Variants in NRG3 observed in about 807,000 individuals in gnomAD.
NRG3 encodes the protein pro-neuregulin-3, membrane-bound isoform.
NRG3 carries 31 observed loss-of-function variants against 66.9 expected under a neutral mutation model. The observed-to-expected ratio is 0.46, with a 90% CI of 0.35 to 0.63. NRG3 has a LOEUF of 0.63. Among genes scored for constraint, NRG3 ranks in the 20% least tolerant of loss-of-function variants. The probability of loss-of-function intolerance (pLI) is 0.00; values close to 1 mark genes in which losing one functional copy is unlikely to be tolerated. For synonymous variants in NRG3, 393 were observed against 359.4 expected (o/e 1.09, Z -1.06); for missense variants, 910 against 878.9 (o/e 1.04, Z -0.45).
chr10:82,703,565 G>A (rs887015203), intron 2 of NRG3, among the ~76,000 whole-genome samples: 1 of 152,078 alleles, frequency 6.6e-6, no homozygotes, highest in African/African-American at 2.4e-5. Context: ...AATAATGAAG[G>A]AAGAACCATT....
chr10:82,940,582 C>T (rs1022579292), intron 4 of NRG3, among the ~76,000 whole-genome samples: 5 of 152,064 alleles, frequency 3.3e-5, no homozygotes, highest in Admixed American at 6.5e-5. Context: ...AACAAAGTAC[C>T]CTACACTGCA....
chr10:82,299,644 T>G (rs760740558), intron 1 of NRG3, among the ~76,000 whole-genome samples: 3 of 152,162 alleles, frequency 2.0e-5, no homozygotes, highest in Non-Finnish European at 4.4e-5. Flanking sequence ...GTATTGCCAG[T>G]GGCTGCTATC....
rs200557618 is a variant in NRG3, at chr10:82,957,406, G to GTA, written c.1158-1543_1158-1542insTA. ...AGACCGGCCATGTGCTCCACTGACG[G>GTA]CACTATCTTTGTCAGAGACGTTGGA... On this transcript the variant is annotated intron_variant, in intron 5 of 8. Coordinates refer to ENST00000372141, the MANE Select transcript of NRG3 (RefSeq NM_001010848.4). 5.4e-3 allele frequency among the ~76,000 whole-genome samples: 815 copies of GTA among 151,932 alleles called. 22 individuals carry two copies. The highest frequency in any genetic ancestry group is 0.019 in the African/African-American group (768 of 41,234).
chr10:81,980,803 G>T (rs375380639), intron 1 of NRG3, among the ~76,000 whole-genome samples: 3 of 152,308 alleles, frequency 2.0e-5, no homozygotes, highest in Admixed American at 1.3e-4. Flanking sequence ...CTCTGGCTTG[G>T]CCTGCAGATG....
At chr10:82,264,840 A>G (rs1483255358) in intron 1 of NRG3, among the ~76,000 whole-genome samples, 1 of 152,160 alleles carries the variant, frequency 6.6e-6, no homozygotes, top group African/African-American at 2.4e-5. Context: ...CTTAAGGAGA[A>G]TGACTTTGAG....
At chr10:82,361,579 A>G (rs1321302156) in intron 2 of NRG3, among the ~76,000 whole-genome samples, 1 of 152,226 alleles carries the variant, frequency 6.6e-6, no homozygotes, top group Non-Finnish European at 1.5e-5. Flanking sequence ...ACAAATGTTT[A>G]CTGAGCACCT....
At chr10:82,760,571 T>TAA (rs1339107847) in intron 3 of NRG3, among the ~76,000 whole-genome samples, 1 of 152,124 alleles carries the variant, frequency 6.6e-6, no homozygotes, top group Non-Finnish European at 1.5e-5. Context: ...ACTGAAGCTT[T>TAA]AAGTAAGCCT....
intron 1 of NRG3, among the ~76,000 whole-genome samples, chr10:82,238,380 A>G (rs149426402): frequency 1.3e-5 from 2 of 152,176 alleles, no homozygotes; most frequent in African/African-American, 4.8e-5. Flanking sequence ...TACTCATTTA[A>G]TCATCATCCA....
rs201545738 is a variant in NRG3, at chr10:82,499,696, A to G, written c.953+140828A>G. On this transcript the variant is annotated intron_variant, in intron 2 of 8. Coordinates refer to ENST00000372141, the MANE Select transcript of NRG3 (RefSeq NM_001010848.4). ...TATAAGCTGAATATGTGTGAATTGAATGATATATCTTTAAAATATTTATTG... is the reference window on the plus strand; with the variant it reads ...TATAAGCTGAATATGTGTGAATTGAGTGATATATCTTTAAAATATTTATTG... Among the ~76,000 whole-genome samples, 5 of 152,304 alleles carry G rather than the reference A, an allele frequency of 3.3e-5. No homozygotes were observed. In the East Asian group the frequency reaches 7.7e-4, roughly 24 times the overall value.
chr10:82,815,455 A>G (rs1016968228), intron 3 of NRG3, among the ~76,000 whole-genome samples: 1 of 152,088 alleles, frequency 6.6e-6, no homozygotes, highest in East Asian at 1.9e-4. Flanking sequence ...GTTTCTTTAA[A>G]TTTTTTGTGT....
chr10:82,376,888 A>C (rs544492266), intron 2 of NRG3, among the ~76,000 whole-genome samples: 1 of 152,308 alleles, frequency 6.6e-6, no homozygotes, highest in African/African-American at 2.4e-5. Context: ...GCTTCATTGC[A>C]ATCTGTACAT....
chr10:81,898,014 G>T (rs1041617027), intron 1 of NRG3, among the ~76,000 whole-genome samples: 1 of 152,150 alleles, frequency 6.6e-6, no homozygotes, highest in Admixed American at 6.6e-5. Flanking sequence ...AGAGGGAAGG[G>T]TAATGGCAGG....
At chr10:82,649,483 T>C (rs2051236526) in intron 2 of NRG3, among the ~76,000 whole-genome samples, 1 of 140,438 alleles carries the variant, frequency 7.1e-6, no homozygotes, top group Non-Finnish European at 1.5e-5. Flanking sequence ...TTTTTTTTTT[T>C]TTTCTGAGAC....
intron 1 of NRG3, among the ~76,000 whole-genome samples, chr10:82,068,104 T>C (rs1468696442): frequency 1.3e-5 from 2 of 152,176 alleles, no homozygotes; most frequent in Admixed American, 1.3e-4. Context: ...AACAATAGAA[T>C]TATAGTTTAT....
At chr10:81,964,278 T>G (rs2059641833) in intron 1 of NRG3, among the ~76,000 whole-genome samples, 1 of 151,812 alleles carries the variant, frequency 6.6e-6, no homozygotes, top group African/African-American at 2.4e-5. Flanking sequence ...ACTTTATTCT[T>G]TTTTTAAAAA....
At chr10:82,656,901 C>T (rs999543960) in intron 2 of NRG3, among the ~76,000 whole-genome samples, 2 of 152,110 alleles carry the variant, frequency 1.3e-5, no homozygotes, top group African/African-American at 2.4e-5. Context: ...CTGCCCTGCC[C>T]CCACCTTGCC....
At chr10:82,315,000 A>ATG (rs1455479583) in intron 1 of NRG3, among the ~76,000 whole-genome samples, 2 of 152,160 alleles carry the variant, frequency 1.3e-5, no homozygotes, top group African/African-American at 4.8e-5. Context: ...CTGAATGTAT[A>ATG]TGTGTGTGTC....
intron 1 of NRG3, among the ~76,000 whole-genome samples, chr10:82,097,510 A>G (rs1185220023): frequency 6.7e-6 from 1 of 149,736 alleles, no homozygotes; most frequent in Non-Finnish European, 1.5e-5. Context: ...AGATACAGAT[A>G]TATGTTATAT....
intron 2 of NRG3, among the ~76,000 whole-genome samples, chr10:82,730,540 G>A (rs1011883031): frequency 3.3e-5 from 5 of 152,114 alleles, no homozygotes; most frequent in African/African-American, 7.2e-5. Context: ...TAAAGCAGCC[G>A]TTACTCTGAA....
Sources: allele counts gnomAD v4.1 joint callset (sites outside exome capture counted in the v4.1 genomes callset), GRCh38; gene constraint gnomAD v4.1.1; transcripts MANE v1.5; gene names NCBI Gene and HGNC (gene_info 2026-07-23, HGNC 2026-07-21).